The following ATP8A2 variants were observed in gnomAD, a reference collection of about 807,000 sequenced individuals.
The protein encoded by ATP8A2 is phospholipid-transporting ATPase IB.
A neutral mutation model predicts 165.6 loss-of-function variants in ATP8A2; 100 were observed. The observed-to-expected ratio is 0.60, with a 90% CI of 0.51 to 0.71. The LOEUF (loss-of-function observed/expected upper bound fraction) is 0.71. Among genes scored for constraint, ATP8A2 ranks in the 30% least tolerant of loss-of-function variants. ATP8A2 has a pLI of 0.00. For missense variants in ATP8A2, 1,227 were observed against 1,479.5 expected, an observed-to-expected ratio of 0.83 and a Z score of 2.80; for synonymous variants, 543 against 548.8, an observed-to-expected ratio of 0.99 and a Z score of 0.15.
At chr13:25,374,456 T>A (rs549458393) in intron 1 of ATP8A2, among the ~76,000 whole-genome samples, 2 of 152,228 alleles carry the variant, frequency 1.3e-5, no homozygotes, top group African/African-American at 4.8e-5. Context: ...GAGTGGTAGC[T>A]GGAGGAAAAT....
chr13:25,915,107 C>T (rs1954230560), intron 33 of ATP8A2, among the ~76,000 whole-genome samples: 1 of 152,242 alleles, frequency 6.6e-6, no homozygotes, highest in African/African-American at 2.4e-5. Flanking sequence ...TTATGTTGCA[C>T]TCTACCAGTG....
intron 24 of ATP8A2, among the ~76,000 whole-genome samples, chr13:25,591,070 C>T (rs920538393): frequency 6.6e-6 from 1 of 152,064 alleles, no homozygotes; most frequent in Non-Finnish European, 1.5e-5. Flanking sequence ...CCAAGTGTTT[C>T]AGTCTTCCCC....
Position 25,968,623 on chromosome 13 carries a change from G to A in ATP8A2, c.3321G>A (p.Leu1107=). The change falls in exon 35 of 37, where the codon CTG becomes CTA. Residue 1107 remains leucine (L), a synonymous_variant. Transcript: ENST00000381655. ...KKTLLEEVQE[L]ETKSRVLGKA... is the part of the protein sequence containing the mutation. Reference sequence around the variant, plus strand: ...CATTGCTGGAGGAGGTGCAGGAGCTGGAAACCAAGTCTCGAGTCCTGGGAA... The same window carrying A: ...CATTGCTGGAGGAGGTGCAGGAGCTAGAAACCAAGTCTCGAGTCCTGGGAA... The A allele has an allele frequency of 2.5e-6, 4 of 1,613,908 alleles. No individual in the cohort carries two copies. The highest frequency in any genetic ancestry group is 2.2e-5 in the South Asian group (2 of 90,874).
chr13:25,766,688 A>C (rs2044497513), intron 25 of ATP8A2, among the ~76,000 whole-genome samples: 1 of 152,184 alleles, frequency 6.6e-6, no homozygotes, highest in East Asian at 1.9e-4. Context: ...GTTACCTGAG[A>C]GACATTGCTG....
intron 1 of ATP8A2, among the ~76,000 whole-genome samples, chr13:25,387,066 A>T (rs1407486649): frequency 6.6e-6 from 1 of 152,156 alleles, no homozygotes; most frequent in Non-Finnish European, 1.5e-5. Context: ...TCTGAAGATA[A>T]TTTTCCCACT....
chr13:25,629,142 T>G (rs567822858), intron 24 of ATP8A2, among the ~76,000 whole-genome samples: 1 of 152,262 alleles, frequency 6.6e-6, no homozygotes, highest in South Asian at 2.1e-4. Context: ...CAAACCAGCA[T>G]TGTACCCTGC....
rs1055532922 is a variant in ATP8A2 at position 26,025,260 on chromosome 13, C to G, written c.*5275C>G. The G allele has an allele frequency of 3.9e-5, 6 of 152,232 alleles. No homozygotes were observed. Among genetic ancestry groups the G allele is most frequent in the African/African-American group, 1.4e-4 (6 of 41,432 alleles). 9.4% of individuals were successfully genotyped at this position (152,232 alleles called of 1,614,324 possible). Reference sequence around the variant, plus strand: ...AGTACTGAAACTCCTACTCTCCCCTCCCGCCCCACTCTCCCCCGTTGCCCG... The same window carrying G: ...AGTACTGAAACTCCTACTCTCCCCTGCCGCCCCACTCTCCCCCGTTGCCCG... On this transcript the variant is annotated 3_prime_UTR_variant, in exon 37 of 37. Coordinates refer to ENST00000381655, the MANE Select transcript of ATP8A2 (RefSeq NM_016529.6).
In ATP8A2 at chr13:25,810,535, AAC is replaced by A. The variant is rs371898671; in HGVS notation, c.2680-17581_2680-17580del. Among the ~76,000 whole-genome samples the A allele has an allele frequency of 7.4e-3, 1,129 of 152,140 alleles. 19 individuals are homozygous for A. The highest frequency in any genetic ancestry group is 0.026 in the African/African-American group (1,070 of 41,472). ...GTCTTTTTTTTTTAAGGAAAAAAAA[AAC>A]AAAACACTACTCTATCTCCAAAACC... On this transcript the variant is annotated intron_variant, in intron 27 of 36. Transcript: ENST00000381655.
At chr13:25,924,201 T>C (rs371803378) in intron 33 of ATP8A2, among the ~76,000 whole-genome samples, 16 of 152,336 alleles carry the variant, frequency 1.1e-4, no homozygotes, top group African/African-American at 3.8e-4. Flanking sequence ...GTCACAGACC[T>C]GACCTCCTGT....
At chr13:25,553,309 T>A (rs2038880795) in intron 11 of ATP8A2, among the ~76,000 whole-genome samples, 1 of 152,092 alleles carries the variant, frequency 6.6e-6, no homozygotes, top group Non-Finnish European at 1.5e-5. Flanking sequence ...CCTTCTCTTA[T>A]CTTTAGCTGG....
intron 1 of ATP8A2, among the ~76,000 whole-genome samples, chr13:25,433,439 ATTTTTG>A (rs1033907880): frequency 6.6e-5 from 10 of 152,034 alleles, no homozygotes; most frequent in Non-Finnish European, 1.5e-4. Flanking sequence ...TTCATGGCTA[ATTTTTG>A]TATTTTCTGT....
chr13:26,011,275 C>G (rs901475103), intron 35 of ATP8A2, among the ~76,000 whole-genome samples: 2 of 152,160 alleles, frequency 1.3e-5, no homozygotes, highest in East Asian at 3.9e-4. Context: ...GTTTCTCATG[C>G]GAGCACTCTC....
At position 25,396,708 on chromosome 13, in the gene ATP8A2, T is replaced by G. The variant is rs146649104; in HGVS notation, c.76+24420T>G. Reference sequence around the variant, plus strand: ...TTTGGGGCTGGAAATTTCATGTTTTTAACACTGACTCTTAGTTGTGGGCGA... The same window carrying G: ...TTTGGGGCTGGAAATTTCATGTTTTGAACACTGACTCTTAGTTGTGGGCGA... On this transcript the variant is annotated intron_variant, in intron 1 of 36. Coordinates refer to ENST00000381655, the MANE Select transcript of ATP8A2 (RefSeq NM_016529.6). 3.0e-3 allele frequency among the ~76,000 whole-genome samples: 461 copies of G among 152,324 alleles called. 2 individuals carry two copies. Among genetic ancestry groups the G allele is most frequent in the African/African-American group, 0.01 (433 of 41,574 alleles).
intron 28 of ATP8A2, among the ~76,000 whole-genome samples, chr13:25,829,668 G>GTGTATATATATACATA: frequency 1.6e-5 from 1 of 63,422 alleles, no homozygotes; most frequent in African/African-American, 6.2e-5. Context: ...GACAGGTGTG[G>GTGTATATATATACATA]TATATATATA....
At chr13:25,576,828 C>T (rs9578890) in intron 19 of ATP8A2, among the ~76,000 whole-genome samples, 6,114 of 152,158 alleles carry the variant, frequency 0.04, 447 homozygotes, top group African/African-American at 0.14. Context: ...TTTCCTACTG[C>T]AAATAGCGGT....
intron 33 of ATP8A2, among the ~76,000 whole-genome samples, chr13:25,915,404 G>A (rs761618544): frequency 3.3e-5 from 5 of 152,180 alleles, no homozygotes; most frequent in Admixed American, 1.3e-4. Context: ...GCAGAAAATC[G>A]CCACCACCCT....
intron 30 of ATP8A2, among the ~76,000 whole-genome samples, chr13:25,850,089 C>A (rs1951967829): frequency 6.6e-6 from 1 of 152,200 alleles, no homozygotes; most frequent in African/African-American, 2.4e-5. Context: ...TCAGCCCTCA[C>A]CAGTGTTGGA....
intron 33 of ATP8A2, among the ~76,000 whole-genome samples, chr13:25,909,150 G>C (rs968736197): frequency 6.6e-6 from 1 of 152,122 alleles, no homozygotes; most frequent in Non-Finnish European, 1.5e-5. Flanking sequence ...AATTAGAAAG[G>C]AACAGTAAAT....
intron 25 of ATP8A2, among the ~76,000 whole-genome samples, chr13:25,702,528 G>A (rs1314125857): frequency 6.6e-6 from 1 of 152,204 alleles, no homozygotes; most frequent in Non-Finnish European, 1.5e-5. Context: ...AACTGGTCCA[G>A]TCCAAGGTTT....
Sources: allele counts gnomAD v4.1 joint callset (sites outside exome capture counted in the v4.1 genomes callset), GRCh38; gene constraint gnomAD v4.1.1; transcripts MANE v1.5; gene names NCBI Gene and HGNC (gene_info 2026-07-23, HGNC 2026-07-21).